The following MGA variants were observed in gnomAD, a reference collection of about 807,000 sequenced individuals.
MGA encodes the protein MAX dimerization protein MGA.
Under a neutral mutation model 261.1 loss-of-function variants are expected in MGA, and 40 were observed. That is an observed-to-expected ratio of 0.15 (90% confidence interval 0.12 to 0.20). The LOEUF (loss-of-function observed/expected upper bound fraction) is 0.20. MGA is among the 10% of genes least tolerant of loss of function. MGA has a pLI of 1.00. For missense variants in MGA, 3,397 were observed against 3,630.5 expected, an observed-to-expected ratio of 0.94 and a Z score of 1.65; for synonymous variants, 1,302 against 1,290.6, an observed-to-expected ratio of 1.01 and a Z score of -0.19.
Position 41,669,103 on chromosome 15 carries a change from G to C in MGA, c.209G>C (p.Cys70Ser). 1.2e-6 allele frequency: 2 copies of C among 1,610,826 alleles called. No individual in the cohort carries two copies. Among genetic ancestry groups the C allele is most frequent in the African/African-American group, 2.7e-5 (2 of 75,002 alleles). Residue 70 changes from cysteine (C) to serine (S), a missense_variant, in exon 2 of 24, where the codon TGT becomes TCT. Physicochemically the swap from Cys to Ser is moderately radical, Grantham distance 112 (BLOSUM62 -1). This residue lies in a region of MGA where 81 missense variants were observed against 84.3 expected (regional missense o/e 0.96). Coordinates refer to ENST00000219905, the MANE Select transcript of MGA (RefSeq NM_001164273.2). Reference sequence around the variant, plus strand: ...GGGAAGATTTGCCTTCCAGCTGATTGTACTGTGGGTGGAATCACTGTTACC... The same window carrying C: ...GGGAAGATTTGCCTTCCAGCTGATTCTACTGTGGGTGGAATCACTGTTACC...
At chr15:41,728,207 T>C (rs2061345080) in intron 10 of MGA, among the ~76,000 whole-genome samples, 1 of 152,146 alleles carries the variant, frequency 6.6e-6, no homozygotes, top group Non-Finnish European at 1.5e-5. Flanking sequence ...GGCTCATGCC[T>C]ATAATCCCAG....
At chr15:41,684,757 A>G (rs2058860802) in intron 2 of MGA, 1 of 163,812 alleles carries the variant, frequency 6.1e-6, no homozygotes, top group African/African-American at 2.4e-5. Flanking sequence ...TTAAGCATTA[A>G]TCTTAAATTA....
intron 5 of MGA, among the ~76,000 whole-genome samples, chr15:41,706,720 A>G (rs1159156335): frequency 6.6e-6 from 1 of 151,844 alleles, no homozygotes; most frequent in Non-Finnish European, 1.5e-5. Context: ...AGCTACAGGC[A>G]CATGCCACCA....
chr15:41,756,608 T>G (rs999438170), intron 18 of MGA, among the ~76,000 whole-genome samples: 5 of 152,104 alleles, frequency 3.3e-5, no homozygotes, highest in African/African-American at 1.2e-4. Flanking sequence ...TATGAAGATT[T>G]AGAAACAACC....
At chr15:41,748,972 G>T (rs1230068155) in intron 16 of MGA, 45 bp downstream of exon 16, 1 of 1,591,712 alleles carries the variant, frequency 6.3e-7, no homozygotes. Flanking sequence ...TGAATCACTT[G>T]GCCATATGGT....
chr15:41,671,618 C>T (rs986285956), intron 2 of MGA, among the ~76,000 whole-genome samples: 5 of 152,160 alleles, frequency 3.3e-5, no homozygotes, highest in Middle Eastern at 3.4e-3. Flanking sequence ...TGTGAGCCAC[C>T]GCGCCCGGCC....
chr15:41,710,224 T>G (rs2060320955), intron 7 of MGA, among the ~76,000 whole-genome samples: 1 of 152,210 alleles, frequency 6.6e-6, no homozygotes, highest in Non-Finnish European at 1.5e-5. Context: ...TAGCACTTTG[T>G]AAGAATTAGT....
In MGA at chr15:41,740,188, G is replaced by C. The variant is rs2062012192; in HGVS notation, c.4570G>C (p.Ala1524Pro). 4 of 1,613,738 alleles carry C rather than the reference G, an allele frequency of 2.5e-6. No individual in the cohort carries two copies. Among genetic ancestry groups the C allele is most frequent in the Admixed American group, 1.7e-5 (1 of 59,996 alleles). ...GAAGAATCTGAAGGCGTTTGTCCCA[G>C]CAAAACGGCCAATTGGTAAGTTGGG... is the stretch of plus-strand genomic sequence containing the variant. Residue 1524 changes from alanine to proline, a missense_variant, in exon 14 of 24, where the codon GCA becomes CCA. Ala to Pro is a conservative substitution (Grantham distance 27, BLOSUM62 -1). This residue lies in a region of MGA where 1,410 missense variants were observed against 1,386.4 expected (regional missense o/e 1.02). Transcript: ENST00000219905.
At chr15:41,658,011 G>A (rs2057242532), upstream of MGA, among the ~76,000 whole-genome samples, 1 of 152,190 alleles carries the variant, frequency 6.6e-6, no homozygotes, top group Non-Finnish European at 1.5e-5. Context: ...TCAGCATATA[G>A]TAGGCACTCA....
At chr15:41,763,070 C>G (rs1283760599) in intron 22 of MGA, among the ~76,000 whole-genome samples, 1 of 143,616 alleles carries the variant, frequency 7.0e-6, no homozygotes, top group Non-Finnish European at 1.5e-5. Flanking sequence ...TTTGTCAAAT[C>G]AGGCTCTATT....
At position 41,736,633 on chromosome 15, in the gene MGA, TCTC is replaced by T; in HGVS notation, c.4372_4374del (p.Pro1458del). ...AGGTCTGCCTTTTTATGCAGGGCTT[TCTC>T]CTGCAGGGAAGCTTGTGGCCTATAA... On this transcript the variant is annotated inframe_deletion, in exon 13 of 24. Coordinates refer to ENST00000219905, the MANE Select transcript of MGA (RefSeq NM_001164273.2). The T allele has an allele frequency of 1.2e-6, 2 of 1,613,934 alleles. No homozygotes were observed. The highest frequency in any genetic ancestry group is 1.7e-6 in the Non-Finnish European group (2 of 1,179,858).
rs34069193 is a variant in MGA at position 41,762,461 on chromosome 15, G to GTTTTTT, written c.7744+124_7744+129dup. On this transcript the variant is annotated intron_variant, in intron 22 of 23. Transcript: ENST00000219905. ...TTGTCCACATTTTTAGTTTTGTGTG[G>GTTTTTT]TTTTTTTTTTTTTTTTTTTTTTTTT... 9.5e-3 allele frequency: 1,317 copies of GTTTTTT among 138,076 alleles called. 182 individuals carry two copies. The highest frequency in any genetic ancestry group is 0.024 in the African/African-American group (367 of 15,404). 8.6% of individuals were successfully genotyped at this position (138,076 alleles called of 1,614,324 possible). A position where few individuals can be genotyped will look rare whatever the true frequency, so the allele number is the denominator to read the frequency against.
intron 1 of MGA, among the ~76,000 whole-genome samples, chr15:41,651,058 G>T (rs181738731): frequency 6.4e-4 from 97 of 152,272 alleles, no homozygotes; most frequent in African/African-American, 2.3e-3. Context: ...GTGGAAGGCA[G>T]AAGGGAGCAT....
chr15:41,693,253 A>C (rs2151259616), intron 2 of MGA, among the ~76,000 whole-genome samples: 1 of 151,578 alleles, frequency 6.6e-6, no homozygotes, highest in East Asian at 1.9e-4. Flanking sequence ...GGTGCACTGC[A>C]CCCACTAACT....
At chr15:41,757,724 C>A in intron 18 of MGA, 64 bp from the exon 19 acceptor site, 1 of 1,335,102 alleles carries the variant, frequency 7.5e-7, no homozygotes, top group South Asian at 1.3e-5. Context: ...TTGGTTGTAG[C>A]TGTGAAATAG....
upstream of MGA, among the ~76,000 whole-genome samples, chr15:41,659,840 C>G (rs1167659512): frequency 6.6e-6 from 1 of 152,260 alleles, no homozygotes; most frequent in African/African-American, 2.4e-5. Context: ...CTTTCGGTCT[C>G]CTCCCCATTT....
At position 41,704,000 on chromosome 15, in the gene MGA, A is replaced by G. The variant is rs184367997; in HGVS notation, c.2189-3728A>G. ...TTTTTTTTGGTATTTTTTTGTAGAGATGGGGTTTTGCCATGTTGCCCAGCC... is the reference window on the plus strand; with the variant it reads ...TTTTTTTTGGTATTTTTTTGTAGAGGTGGGGTTTTGCCATGTTGCCCAGCC... On this transcript the variant is annotated intron_variant, in intron 5 of 23. Coordinates refer to ENST00000219905, the MANE Select transcript of MGA (RefSeq NM_001164273.2). 5.5e-4 allele frequency among the ~76,000 whole-genome samples: 84 copies of G among 151,896 alleles called. 1 individual carries two copies. The highest frequency in any genetic ancestry group is 1.9e-3 in the African/African-American group (77 of 41,412).
At chr15:41,679,311 A>C (rs1441969111) in intron 2 of MGA, among the ~76,000 whole-genome samples, 1 of 152,154 alleles carries the variant, frequency 6.6e-6, no homozygotes, top group Non-Finnish European at 1.5e-5. Flanking sequence ...CTGGGATTAC[A>C]GGGATTATAG....
Position 41,748,735 on chromosome 15 carries a change from TCTC to T in MGA, c.5314_5316del (p.Pro1772del). 6.2e-7 allele frequency: 1 copy of T among 1,613,940 alleles called. No individual in the cohort carries two copies. Among genetic ancestry groups the T allele is most frequent in the Non-Finnish European group, 8.5e-7 (1 of 1,179,874 alleles). ...GTTGTTGATTCCAGTGCAGCAGGGT[TCTC>T]CTACTCTTAGACCTGTCTCAAACAC... On this transcript the variant is annotated inframe_deletion, in exon 16 of 24. Coordinates refer to ENST00000219905, the MANE Select transcript of MGA (RefSeq NM_001164273.2).
Sources: gnomAD v4.1 joint callset for allele counts (sites outside exome capture counted in the v4.1 genomes callset) on GRCh38, gnomAD v4.1.1 for gene constraint, gnomAD v4.1.1 regional missense constraint, MANE v1.5 for transcripts, NCBI Gene and HGNC (gene_info 2026-07-23, HGNC 2026-07-21) for gene names.